MYH6: variants seen among roughly 807,000 people sequenced by gnomAD.
MYH6 encodes the protein myosin-6.
MYH6 carries 126 observed loss-of-function variants against 223.2 expected under a neutral mutation model. That is an observed-to-expected ratio of 0.56 (90% CI 0.49 to 0.65). The LOEUF is 0.65. Ranked by LOEUF, MYH6 falls within the 30% of genes least tolerant of loss-of-function variation. The pLI is 0.00. For synonymous variants in MYH6, 978 were observed against 1,010.2 expected (o/e 0.97, Z 0.61); for missense variants, 2,040 against 2,536.4 (o/e 0.80, Z 4.20).
At position 23,406,958 on chromosome 14, in the gene MYH6, C is replaced by T; in HGVS notation, c.201+65G>A. 3.2e-6 allele frequency: 5 copies of T among 1,559,950 alleles called. No homozygotes were observed. The South Asian group carries it at 5.6e-5, about 17-fold the overall frequency. ...CCCTCTCAGCTCCCCCTGCAAGTGGCTCCACCTCTGCATCTTCTTTCCCAG... is the reference window on the plus strand; with the variant it reads ...CCCTCTCAGCTCCCCCTGCAAGTGGTTCCACCTCTGCATCTTCTTTCCCAG... On this transcript the variant is annotated intron_variant, in intron 3 of 38. Transcript: ENST00000405093.
At position 23,389,062 on chromosome 14, in the gene MYH6, A is replaced by AG. The variant is rs193922652; in HGVS notation, c.3979-8dup. On this transcript the variant is annotated splice_polypyrimidine_tract_variant and splice_region_variant and intron_variant, in intron 28 of 38. Coordinates refer to ENST00000405093, the MANE Select transcript of MYH6 (RefSeq NM_002471.4). ...GGGCCAGGGCGTTCTTCGCCTGGGGAGGGGGGGGGGCACCAGGAGGTGGGA... is the reference window on the plus strand; with the variant it reads ...GGGCCAGGGCGTTCTTCGCCTGGGGAGGGGGGGGGGGCACCAGGAGGTGGGA... 4.0e-3 allele frequency: 4,698 copies of AG among 1,171,720 alleles called. 5 individuals carry two copies. Among genetic ancestry groups the AG allele is most frequent in the Middle Eastern group, 0.014 (63 of 4,402 alleles). 72.6% of individuals were successfully genotyped at this position (1,171,720 alleles called of 1,614,324 possible).
At chr14:23,393,248 TAG>T in intron 23 of MYH6, 92 bp downstream of exon 23, 1 of 1,552,800 alleles carries the variant, frequency 6.4e-7, no homozygotes, top group South Asian at 1.1e-5. Flanking sequence ...TCAGGGGCCA[TAG>T]AAGTTAATTC....
intron 35 of MYH6, 89 bp downstream of exon 35, chr14:23,384,827 T>G: frequency 6.2e-7 from 1 of 1,613,230 alleles, no homozygotes; most frequent in Non-Finnish European, 8.5e-7. Context: ...AACTGCAGAG[T>G]TGGCTTGGTG....
rs1397463119 is a variant in MYH6 at position 23,393,749 on chromosome 14, A to C, written c.2845T>G (p.Cys949Gly). The change falls in exon 22 of 39, where the codon TGC (cysteine) becomes GGC (glycine). Residue 949 changes from cysteine to glycine, a missense_variant. By Grantham distance (159) the Cys-to-Gly change is radical. Around this residue, in one of 4 missense-constraint regions of MYH6, gnomAD observed 1,203 missense variants for 1,400.2 expected, o/e 0.86. Coordinates refer to ENST00000405093, the MANE Select transcript of MYH6 (RefSeq NM_002471.4). ...TCAATGTCCTTCTTGAGCTCTGAGC[A>C]CTCGTCTTCCAGCTTGCGCTTCTTG... Reference protein sequence around the residue: ...TAKKRKLEDECSELKKDIDDL... With the variant: ...TAKKRKLEDEGSELKKDIDDL... 6.2e-7 allele frequency: 1 copy of C among 1,613,924 alleles called. No homozygotes were observed. Among genetic ancestry groups the C allele is most frequent in the Non-Finnish European group, 8.5e-7 (1 of 1,179,978 alleles).
At position 23,392,612 on chromosome 14, in the gene MYH6, C is replaced by T; in HGVS notation, c.3292G>A (p.Asp1098Asn). The change falls in exon 25 of 39, where the codon GAT becomes AAT. Residue 1098 changes from aspartate (D) to asparagine (N), a missense_variant. Asp to Asn is a conservative substitution (Grantham distance 23). Around this residue, in one of 4 missense-constraint regions of MYH6, gnomAD observed 1,203 missense variants for 1,400.2 expected, o/e 0.86. Transcript: ENST00000405093. ...AGTTGAAGGGCCAGCACCTGCTCAT[C>T]CTCAATCTTACTGTTCTGCTGATTA... ...DINQQNSKIE[D>N]EQVLALQLQK... The T allele has an allele frequency of 3.7e-6, 6 of 1,611,908 alleles. No individual in the cohort carries two copies. Among genetic ancestry groups the T allele is most frequent in the Non-Finnish European group, 5.1e-6 (6 of 1,179,118 alleles).
intron 16 of MYH6, 25 bp downstream of exon 16, chr14:23,397,518 C>T (rs372774229): frequency 3.1e-6 from 5 of 1,611,760 alleles, no homozygotes; most frequent in Non-Finnish European, 4.2e-6. Context: ...CACCAGGTGT[C>T]CTGGCACCCC....
chr14:23,404,752 T>C lies in MYH6; in HGVS notation c.601A>G (p.Ile201Val), dbSNP rs1891728161. The C allele has an allele frequency of 1.2e-6, 2 of 1,614,188 alleles. No individual in the cohort carries two copies. Among genetic ancestry groups the C allele is most frequent in the Non-Finnish European group, 1.7e-6 (2 of 1,180,028 alleles). ...VIQYFASIAA[I>V]GDRGKKDNAN... ...TTGTCCTTCTTGCCACGGTCACCTA[T>C]GGCTGCAATGCTGGCAAAGTACTGG... is the stretch of plus-strand genomic sequence containing the variant. The change falls in exon 7 of 39, where the codon ATA becomes GTA. Residue 201 changes from isoleucine to valine, a missense_variant. Transcript: ENST00000405093.
Position 23,405,562 on chromosome 14 carries a change from C to T in MYH6, c.345+65G>A. ...TCTCTCCCCCTCTTCTTGGGAGAGC[C>T]CCCCTGGCTTATTTAGGCCTCCACG... On this transcript the variant is annotated intron_variant, in intron 4 of 38. Coordinates refer to ENST00000405093, the MANE Select transcript of MYH6 (RefSeq NM_002471.4). The surrounding 1 kb of genome is among the most constrained non-coding windows in gnomAD (Gnocchi z 4.7). 6.2e-7 allele frequency: 1 copy of T among 1,611,176 alleles called. No individual in the cohort carries two copies. The highest frequency in any genetic ancestry group is 8.5e-7 in the Non-Finnish European group (1 of 1,178,446).
Position 23,387,568 on chromosome 14 carries a change from C to T in MYH6, c.4611G>A (p.Val1537=), listed in dbSNP as rs142983918. ...GGGCTGACTGCAGCTCCAGCTTCTC[C>T]ACCTCCAGCTGTTTGCGGACCTTCT... ...ELEKVRKQLE[V]EKLELQSALE... is the part of the protein sequence containing the mutation. Residue 1537 remains valine, a synonymous_variant, in exon 32 of 39, where the codon GTG becomes GTA. Coordinates refer to ENST00000405093, the MANE Select transcript of MYH6 (RefSeq NM_002471.4). 95 of 1,614,110 alleles carry T rather than the reference C, an allele frequency of 5.9e-5. No homozygotes were observed. In the African/African-American group the frequency reaches 1.1e-3, roughly 18 times the overall value.
intron 10 of MYH6, among the ~76,000 whole-genome samples, 185 bp downstream of exon 10, chr14:23,403,163 C>T (rs1162964745): frequency 1.3e-4 from 20 of 151,582 alleles, no homozygotes; most frequent in Non-Finnish European, 2.5e-4. Context: ...CACAGGGAGG[C>T]GAGAGGAGAC....
In MYH6 at chr14:23,402,811, C is replaced by A. The variant is rs199719887; in HGVS notation, c.899-11G>T. The A allele has an allele frequency of 1.3e-6, 2 of 1,568,588 alleles. No individual in the cohort carries two copies. Among genetic ancestry groups the A allele is most frequent in the African/African-American group, 2.8e-5 (2 of 70,240 alleles). On this transcript the variant is annotated splice_polypyrimidine_tract_variant and intron_variant, in intron 10 of 38. Transcript: ENST00000405093. ...TGACCAGCAGCATGTCTGCACCAGG[C>A]AAGGGGTGAGGCAGGGGCAAGGGGG...
chr14:23,395,753 C>T lies in MYH6; in HGVS notation c.2429+531G>A, dbSNP rs1430504183. ...CCATGTTAGCCAGGATGGTTTTGATCTCCTGACCTCGTGATCCACCCGCCT... is the reference window on the plus strand; with the variant it reads ...CCATGTTAGCCAGGATGGTTTTGATTTCCTGACCTCGTGATCCACCCGCCT... On this transcript the variant is annotated intron_variant, in intron 20 of 38. Transcript: ENST00000405093. Among the ~76,000 whole-genome samples, 3 of 152,148 alleles carry T rather than the reference C, an allele frequency of 2.0e-5. No homozygotes were observed. The East Asian group carries it at 5.8e-4, about 29-fold the overall frequency.
chr14:23,383,780 C>T (rs1028745769), intron 36 of MYH6, among the ~76,000 whole-genome samples: 5 of 152,168 alleles, frequency 3.3e-5, no homozygotes, highest in African/African-American at 1.2e-4. Flanking sequence ...ATTCAGGCAT[C>T]GGGATCACTG....
At chr14:23,406,776 A>G (rs1424424482) in intron 3 of MYH6, among the ~76,000 whole-genome samples, 1 of 152,152 alleles carries the variant, frequency 6.6e-6, no homozygotes. Context: ...TTAGGCGAAC[A>G]CTGAGGTTCT....
chr14:23,403,880 A>C (rs1012031382), intron 8 of MYH6, 102 bp from the exon 9 acceptor site: 1 of 1,066,638 alleles, frequency 9.4e-7, no homozygotes, highest in Admixed American at 2.0e-5. Flanking sequence ...TGGAAATGTA[A>C]ACGACCTCTT....
Position 23,407,522 on chromosome 14 carries a change from C to T in MYH6, c.-14+54G>A. On this transcript the variant is annotated intron_variant, in intron 2 of 38. Coordinates refer to ENST00000405093, the MANE Select transcript of MYH6 (RefSeq NM_002471.4). The surrounding 1 kb of genome is among the most constrained non-coding windows in gnomAD (Gnocchi z 5.6). The stretch of plus-strand genomic sequence containing the variant: ...GCAGACCCCTGGTCCAGCAATCCGG[C>T]TCCCAGGAGAAGCATGCCCCAGTCT... The T allele has an allele frequency of 3.1e-6, 4 of 1,306,016 alleles. No individual in the cohort carries two copies. The highest frequency in any genetic ancestry group is 3.9e-6 in the Non-Finnish European group (4 of 1,017,020). The allele number at this position is 1,306,016 out of a possible 1,614,324, so 80.9% of individuals were successfully genotyped here. A position where few individuals can be genotyped will look rare whatever the true frequency, so the allele number is the denominator to read the frequency against.
intron 15 of MYH6, among the ~76,000 whole-genome samples, chr14:23,397,966 TCTTC>T (rs1891472714): frequency 3.9e-5 from 5 of 127,078 alleles, no homozygotes; most frequent in Admixed American, 1.7e-4. Context: ...TTCTTCTTCT[TCTTC>T]TTCTTCTTCT....
chr14:23,392,827 T>C (rs2138597075), intron 24 of MYH6, 85 bp downstream of exon 24: 1 of 1,580,802 alleles, frequency 6.3e-7, no homozygotes, highest in Non-Finnish European at 8.6e-7. Flanking sequence ...AAGGCAACTG[T>C]GGCCAGTGGA....
chr14:23,400,259 C>T lies in MYH6; in HGVS notation c.1578G>A (p.Glu526=). Residue 526 remains glutamate, a synonymous_variant, in exon 14 of 39, where the codon GAG becomes GAA. Coordinates refer to ENST00000405093, the MANE Select transcript of MYH6 (RefSeq NM_002471.4). ...MDLQACIDLI[E]KPMGIMSILE... is the part of the protein sequence containing the mutation. Reference sequence around the variant, plus strand: ...GGTGGTGAGGCCAAGGAGGCACCTTCTCGATGAGGTCAATGCAGGCCTGCA... The same window carrying T: ...GGTGGTGAGGCCAAGGAGGCACCTTTTCGATGAGGTCAATGCAGGCCTGCA... 6.2e-7 allele frequency: 1 copy of T among 1,614,208 alleles called. No individual in the cohort carries two copies. The highest frequency in any genetic ancestry group is 8.5e-7 in the Non-Finnish European group (1 of 1,180,040).
Sources: allele counts gnomAD v4.1 joint callset (sites outside exome capture counted in the v4.1 genomes callset), GRCh38; gene constraint gnomAD v4.1.1; regional missense constraint gnomAD v4.1.1; non-coding constraint Gnocchi (gnomAD v3.1); transcripts MANE v1.5; gene names NCBI Gene and HGNC (gene_info 2026-07-23, HGNC 2026-07-21).